MRC1: variants seen among roughly 807,000 people sequenced by gnomAD.
The protein encoded by MRC1 is macrophage mannose receptor 1.
Under a neutral mutation model 102.9 loss-of-function variants are expected in MRC1, and 62 were observed. That is an observed-to-expected ratio of 0.60 (90% CI 0.49 to 0.74). The LOEUF is 0.74. Among genes scored for constraint, MRC1 ranks in the 30% least tolerant of loss-of-function variants. MRC1 has a pLI of 0.00. For synonymous variants in MRC1, 457 were observed against 298.4 expected (o/e 1.53, Z -5.48); for missense variants, 1,237 against 862.8 (o/e 1.43, Z -5.43).
chr10:17,848,190 C>T (rs1225637563), intron 6 of MRC1, among the ~76,000 whole-genome samples: 1 of 152,080 alleles, frequency 6.6e-6, no homozygotes, highest in African/African-American at 2.4e-5. Flanking sequence ...CTAAGACAGC[C>T]ATTTGAAAAC....
At chr10:17,855,102 A>C (rs1408381274) in intron 8 of MRC1, among the ~76,000 whole-genome samples, 2 of 152,230 alleles carry the variant, frequency 1.3e-5, no homozygotes, top group Non-Finnish European at 2.9e-5. Flanking sequence ...ATAAAGTGGA[A>C]GGTTGAGCCT....
At chr10:17,811,743 A>AT (rs1222139143) in intron 1 of MRC1, among the ~76,000 whole-genome samples, 1 of 151,304 alleles carries the variant, frequency 6.6e-6, no homozygotes, top group Non-Finnish European at 1.5e-5. Context: ...CTAATTTTTA[A>AT]TTTTTTTTAT....
At chr10:17,885,044 A>C (rs1329523314) in intron 21 of MRC1, among the ~76,000 whole-genome samples, 3 of 152,238 alleles carry the variant, frequency 2.0e-5, no homozygotes, top group African/African-American at 7.2e-5. Context: ...TCAGTGGCCT[A>C]GATAAAACCT....
In MRC1 at chr10:17,870,870, C is replaced by T; in HGVS notation, c.2134C>T (p.Leu712=). The T allele has an allele frequency of 1.1e-6, 1 of 872,444 alleles. No homozygotes were observed. Among genetic ancestry groups the T allele is most frequent in the South Asian group, 1.3e-5 (1 of 76,534 alleles). The allele number at this position is 872,444 out of a possible 1,614,324, so 54.0% of individuals were successfully genotyped here. Residue 712 remains leucine, a synonymous_variant, in exon 14 of 30, where the codon CTG becomes TTG. Transcript: ENST00000569591. ...LITASGSYHK[L]FWLGLTYGSP... ...TAGAGCTAGTGGAAGCTACCACAAA[C>T]TGTTTTGGTTGGGATTGACATATGG... is the stretch of plus-strand genomic sequence containing the variant.
At chr10:17,857,915 A>C (rs942477751) in intron 9 of MRC1, among the ~76,000 whole-genome samples, 4,492 of 152,242 alleles carry the variant, frequency 0.03, 127 homozygotes, top group African/African-American at 0.075. Context: ...CAGGTTTCTA[A>C]TAGTCCAGGA....
chr10:17,838,579 A>T (rs1300584968), intron 4 of MRC1, among the ~76,000 whole-genome samples: 1 of 152,166 alleles, frequency 6.6e-6, no homozygotes, highest in Non-Finnish European at 1.5e-5. Context: ...AGAAAGTAAA[A>T]AAAACAGTGT....
Position 17,911,121 on chromosome 10 carries a change from A to G in MRC1, c.*656A>G, listed in dbSNP as rs1480328772. 2.0e-5 allele frequency: 3 copies of G among 153,566 alleles called. No individual in the cohort carries two copies. The highest frequency in any genetic ancestry group is 4.4e-5 in the Non-Finnish European group (3 of 68,700). The allele number at this position is 153,566 out of a possible 1,614,324, so 9.5% of individuals were successfully genotyped here. A position where few individuals can be genotyped will look rare whatever the true frequency, so the allele number is the denominator to read the frequency against. On this transcript the variant is annotated 3_prime_UTR_variant, in exon 30 of 30. Transcript: ENST00000569591. Reference sequence around the variant, plus strand: ...AATTTGCATAACTGGATGTACTTAGATAATGTGAAATAAACATTAAAGACA... The same window carrying G: ...AATTTGCATAACTGGATGTACTTAGGTAATGTGAAATAAACATTAAAGACA...
chr10:17,890,302 A>G (rs1413369059), intron 22 of MRC1, among the ~76,000 whole-genome samples: 1 of 151,744 alleles, frequency 6.6e-6, no homozygotes, highest in African/African-American at 2.4e-5. Flanking sequence ...TAGATGTTGT[A>G]TCTTAGTATT....
chr10:17,859,843 C>G (rs1833155613), intron 9 of MRC1, among the ~76,000 whole-genome samples: 1 of 152,176 alleles, frequency 6.6e-6, no homozygotes, highest in Admixed American at 6.5e-5. Context: ...GGAACTGTCA[C>G]TCATCTGCAG....
intron 4 of MRC1, among the ~76,000 whole-genome samples, chr10:17,836,530 C>T (rs1025095599): frequency 2.6e-5 from 4 of 151,992 alleles, no homozygotes; most frequent in Non-Finnish European, 5.9e-5. Context: ...CTTGCAGGCA[C>T]GAGAGAAAAT....
chr10:17,863,242 C>G (rs999018494), intron 10 of MRC1, among the ~76,000 whole-genome samples: 1 of 152,082 alleles, frequency 6.6e-6, no homozygotes, highest in Admixed American at 6.5e-5. Flanking sequence ...TCAAAATTCT[C>G]TGACATTTTG....
chr10:17,827,615 C>G lies in MRC1; in HGVS notation c.537C>G (p.Tyr179Ter). The change falls in exon 3 of 30, where the codon TAC (tyrosine) becomes TAG (stop). Residue 179 changes from tyrosine (Y) to a stop codon, truncating the protein, a stop_gained. Coordinates refer to ENST00000569591, the MANE Select transcript of MRC1 (RefSeq NM_002438.4). LOFTEE classifies it high-confidence loss of function. ...AFPFKFENKWYADCTSAGRSD... is the reference protein window; with the variant it reads ...AFPFKFENKW Reference sequence around the variant, plus strand: ...CGTTCAAGTTTGAAAACAAGTGGTACGCAGATTGCACGAGTGCTGGGCGGT... The same window carrying G: ...CGTTCAAGTTTGAAAACAAGTGGTAGGCAGATTGCACGAGTGCTGGGCGGT... 1.3e-6 allele frequency: 1 copy of G among 780,762 alleles called. No homozygotes were observed. Among genetic ancestry groups the G allele is most frequent in the Non-Finnish European group, 2.4e-6 (1 of 417,942 alleles). 48.4% of individuals were successfully genotyped at this position (780,762 alleles called of 1,614,324 possible).
chr10:17,851,671 C>T (rs1305524540), intron 7 of MRC1, among the ~76,000 whole-genome samples: 1 of 152,130 alleles, frequency 6.6e-6, no homozygotes, highest in East Asian at 1.9e-4. Context: ...TTTCTTTGAT[C>T]TTCAATTTAA....
At position 17,879,687 on chromosome 10, in the gene MRC1, G is replaced by C. The variant is rs1375990190; in HGVS notation, c.2619-34G>C. 9.0e-6 allele frequency: 7 copies of C among 780,730 alleles called. No individual in the cohort carries two copies. In the African/African-American group the frequency reaches 1.2e-4, roughly 13 times the overall value. 48.4% of individuals were successfully genotyped at this position (780,730 alleles called of 1,614,324 possible). On this transcript the variant is annotated intron_variant, in intron 18 of 29. Coordinates refer to ENST00000569591, the MANE Select transcript of MRC1 (RefSeq NM_002438.4). Reference sequence around the variant, plus strand: ...CTGTATCCAATTAGTCTAATGATTGGATCGTTTCAAAATGCCTGAATTTTC... The same window carrying C: ...CTGTATCCAATTAGTCTAATGATTGCATCGTTTCAAAATGCCTGAATTTTC...
At position 17,809,507 on chromosome 10, in the gene MRC1, G is replaced by A; in HGVS notation, c.42G>A (p.Pro14=). 1.1e-6 allele frequency: 1 copy of A among 872,772 alleles called. No individual in the cohort carries two copies. The highest frequency in any genetic ancestry group is 1.3e-5 in the South Asian group (1 of 76,534). 54.1% of individuals were successfully genotyped at this position (872,772 alleles called of 1,614,324 possible). ...TCCTGGTTTTTGCCTCTGTCATTCC[G>A]GGTGCTGTTCTCCTACTGGGTAAGT... is the stretch of plus-strand genomic sequence containing the variant. The part of the protein sequence containing the change: ...PLLLVFASVI[P]GAVLLLDTRQ... Residue 14 remains proline (P), a synonymous_variant, in exon 1 of 30, where the codon CCG becomes CCA. Coordinates refer to ENST00000569591, the MANE Select transcript of MRC1 (RefSeq NM_002438.4).
chr10:17,881,710 T>C (rs1257816453), intron 21 of MRC1, among the ~76,000 whole-genome samples: 1 of 145,514 alleles, frequency 6.9e-6, no homozygotes, highest in East Asian at 2.0e-4. Context: ...AAGGTCTTAC[T>C]CTGTTGCCCA....
At chr10:17,836,491 C>T (rs1477756516) in intron 4 of MRC1, among the ~76,000 whole-genome samples, 8 of 152,174 alleles carry the variant, frequency 5.3e-5, no homozygotes, top group East Asian at 1.9e-4. Context: ...AAAGATGATT[C>T]GAGGCAGTCT....
rs1462874588 is a variant in MRC1, at chr10:17,823,250, A to C, written c.238A>C (p.Lys80Gln). 7 of 780,480 alleles carry C rather than the reference A, an allele frequency of 9.0e-6. No homozygotes were observed. The highest frequency in any genetic ancestry group is 1.7e-5 in the Non-Finnish European group (7 of 417,798). 48.3% of individuals were successfully genotyped at this position (780,480 alleles called of 1,614,324 possible). ...AFKLCLGVPS[K>Q]TDWVAITLYA... ...TAAATTATGCCTGGGAGTGCCATCA[A>C]AAACGGACTGGGTTGCTATCACTCT... is the stretch of plus-strand genomic sequence containing the variant. The change falls in exon 2 of 30, where the codon AAA becomes CAA. Residue 80 changes from lysine to glutamine, a missense_variant. Physicochemically the swap from Lys to Gln is moderately conservative, Grantham distance 53. Coordinates refer to ENST00000569591, the MANE Select transcript of MRC1 (RefSeq NM_002438.4).
At chr10:17,824,401 T>C (rs890640689) in intron 2 of MRC1, among the ~76,000 whole-genome samples, 1,751 of 152,312 alleles carry the variant, frequency 0.011, 18 homozygotes, top group Middle Eastern at 0.027. Context: ...CCAAAATTGC[T>C]ATGTTACGGG....
Sources: gnomAD v4.1 joint callset for allele counts (sites outside exome capture counted in the v4.1 genomes callset) on GRCh38, gnomAD v4.1.1 for gene constraint, MANE v1.5 for transcripts, NCBI Gene and HGNC (gene_info 2026-07-23, HGNC 2026-07-21) for gene names.